PCSK5: variants seen among roughly 807,000 people sequenced by gnomAD.
The protein encoded by PCSK5 is prohormone convertase 5.
A neutral mutation model predicts 233.2 loss-of-function variants in PCSK5; 129 were observed. That is an observed-to-expected ratio of 0.55 (90% CI 0.48 to 0.64). The LOEUF is 0.64. PCSK5 is among the 30% of genes least tolerant of loss of function. The pLI, the probability that PCSK5 is intolerant of heterozygous loss-of-function variation, is 0.00. For missense variants in PCSK5, 2,076 were observed against 2,430.1 expected, an observed-to-expected ratio of 0.85 and a Z score of 3.06; for synonymous variants, 825 against 879.2, an observed-to-expected ratio of 0.94 and a Z score of 1.09.
intron 1 of PCSK5, among the ~76,000 whole-genome samples, chr9:75,896,669 T>G (rs1011822300): frequency 1.7e-4 from 26 of 152,274 alleles, no homozygotes; most frequent in African/African-American, 5.1e-4. Flanking sequence ...CTGGTAAAAA[T>G]AAATGCTTAT....
intron 2 of PCSK5, among the ~76,000 whole-genome samples, chr9:75,946,737 C>T (rs1261701809): frequency 6.6e-6 from 1 of 152,064 alleles, no homozygotes; most frequent in Non-Finnish European, 1.5e-5. Flanking sequence ...TACAGGTGCC[C>T]ACCACCATGC....
chr9:76,037,930 G>C (rs1401893620), intron 5 of PCSK5, among the ~76,000 whole-genome samples: 3 of 152,162 alleles, frequency 2.0e-5, no homozygotes, highest in Non-Finnish European at 4.4e-5. Flanking sequence ...TTAGAAAAGA[G>C]TGACCTTTGT....
intron 5 of PCSK5, among the ~76,000 whole-genome samples, chr9:76,045,202 G>A (rs1020529546): frequency 1.2e-4 from 18 of 152,148 alleles, no homozygotes; most frequent in Non-Finnish European, 2.4e-4. Flanking sequence ...AGTAATTATC[G>A]TGATTATGAA....
At chr9:76,025,298 G>A (rs977333090) in intron 4 of PCSK5, among the ~76,000 whole-genome samples, 2 of 152,044 alleles carry the variant, frequency 1.3e-5, no homozygotes, top group Non-Finnish European at 2.9e-5. Context: ...TGTAATTCTA[G>A]TGTTTTGGGA....
At chr9:76,256,898 G>A (rs1827001082) in intron 24 of PCSK5, among the ~76,000 whole-genome samples, 2 of 152,120 alleles carry the variant, frequency 1.3e-5, no homozygotes. Context: ...GTTTTATAAA[G>A]GAAAGCATCA....
At chr9:76,040,977 G>C (rs1330128375) in intron 5 of PCSK5, among the ~76,000 whole-genome samples, 1 of 152,134 alleles carries the variant, frequency 6.6e-6, no homozygotes, top group Non-Finnish European at 1.5e-5. Flanking sequence ...CACTAGGCAG[G>C]ATGTGATTTG....
intron 1 of PCSK5, among the ~76,000 whole-genome samples, chr9:75,891,830 A>G (rs149690937): frequency 1.7e-3 from 263 of 151,886 alleles, no homozygotes; most frequent in African/African-American, 6.2e-3. Flanking sequence ...TCCTGCTCGG[A>G]CCTGAATTTA....
chr9:76,050,464 A>G (rs1829583455), intron 5 of PCSK5, among the ~76,000 whole-genome samples: 3 of 152,180 alleles, frequency 2.0e-5, no homozygotes, highest in Admixed American at 2.0e-4. Flanking sequence ...TACACTCAGT[A>G]TACACTTCAT....
chr9:76,241,240 G>A (rs1461525181), intron 24 of PCSK5, among the ~76,000 whole-genome samples: 1 of 152,098 alleles, frequency 6.6e-6, no homozygotes, highest in Non-Finnish European at 1.5e-5. Flanking sequence ...TCAGGAGTTC[G>A]AGACCAGCCT....
chr9:75,897,291 GA>G (rs2131188478), intron 1 of PCSK5, among the ~76,000 whole-genome samples: 1 of 152,094 alleles, frequency 6.6e-6, no homozygotes, highest in East Asian at 1.9e-4. Context: ...GGGCTGAAAG[GA>G]AGAGGAATAA....
At chr9:76,137,936 TG>T (rs1823048011) in intron 10 of PCSK5, among the ~76,000 whole-genome samples, 1 of 152,142 alleles carries the variant, frequency 6.6e-6, no homozygotes, top group Non-Finnish European at 1.5e-5. Context: ...TGTTTTGTTT[TG>T]TTTTCTATTC....
intron 20 of PCSK5, among the ~76,000 whole-genome samples, chr9:76,206,352 T>C (rs1825114770): frequency 6.6e-6 from 1 of 152,188 alleles, no homozygotes. Flanking sequence ...TTTCCTCATC[T>C]ATAAAAAGAA....
intron 5 of PCSK5, among the ~76,000 whole-genome samples, chr9:76,050,088 CTTAGCAGGTAG>C (rs1305502061): frequency 6.6e-6 from 1 of 152,060 alleles, no homozygotes; most frequent in Admixed American, 6.5e-5. Flanking sequence ...TAATCACATT[CTTAGCAGGTAG>C]TTGGTACTTG....
At chr9:76,222,337 A>T (rs1450763765) in intron 20 of PCSK5, among the ~76,000 whole-genome samples, 1 of 151,574 alleles carries the variant, frequency 6.6e-6, no homozygotes, top group Non-Finnish European at 1.5e-5. Flanking sequence ...TTTTTAAAAA[A>T]ATATTGTAAA....
intron 35 of PCSK5, 102 bp downstream of exon 35, chr9:76,338,549 T>C (rs1829744612): frequency 1.3e-6 from 1 of 767,440 alleles, no homozygotes. Context: ...GAGGTTCCTC[T>C]TGCTTCCCTA....
intron 2 of PCSK5, among the ~76,000 whole-genome samples, chr9:75,945,529 C>T (rs918410344): frequency 1.3e-5 from 2 of 152,206 alleles, no homozygotes; most frequent in African/African-American, 4.8e-5. Flanking sequence ...TGTTTCACAG[C>T]AATTGCCTCT....
chr9:76,318,531 T>A (rs1156732204), intron 30 of PCSK5, among the ~76,000 whole-genome samples: 1 of 152,010 alleles, frequency 6.6e-6, no homozygotes, highest in Non-Finnish European at 1.5e-5. Context: ...CCAAATATAT[T>A]TGAGAGGATT....
In PCSK5 at chr9:76,358,615, C is replaced by T. The variant is rs777453670; in HGVS notation, c.5357C>T (p.Ala1786Val). The change falls in exon 38 of 38, where the codon GCA becomes GTA. Residue 1786 changes from alanine to valine, a missense_variant. This residue lies in a region of PCSK5 where 1,510 missense variants were observed against 1,538.1 expected (regional missense o/e 0.98). Coordinates refer to ENST00000674117, the MANE Select transcript of PCSK5 (RefSeq NM_001372043.1). ...ATGATGCTGGTGCTTCTGCTCGGGG[C>T]AGCTGTGGTAGTGTGGAAGAAATCT... ...SSMMLVLLLGAAVVVWKKSRG... is the reference protein window; with the variant it reads ...SSMMLVLLLGVAVVVWKKSRG... 17 of 1,612,640 alleles carry T rather than the reference C, an allele frequency of 1.1e-5. No homozygotes were observed. In the Admixed American group the frequency reaches 1.5e-4, roughly 14 times the overall value.
At position 75,908,984 on chromosome 9, in the gene PCSK5, TATCTATCC is replaced by T. The variant is rs1564075158; in HGVS notation, c.192+17612_192+17619del. On this transcript the variant is annotated intron_variant, in intron 1 of 37. Coordinates refer to ENST00000674117, the MANE Select transcript of PCSK5 (RefSeq NM_001372043.1). ...CTATCTATCTATCTATCTATCTATC[TATCTATCC>T]GATTTTCTCTCCTCTGCTAGATAAT... Among the ~76,000 whole-genome samples the T allele has an allele frequency of 8.4e-3, 1,188 of 141,806 alleles. 14 individuals carry two copies. Among genetic ancestry groups the T allele is most frequent in the South Asian group, 0.021 (94 of 4,550 alleles). 93.0% of individuals were successfully genotyped at this position (141,806 alleles called of 152,430 possible).
Sources: allele counts gnomAD v4.1 joint callset (sites outside exome capture counted in the v4.1 genomes callset), GRCh38; gene constraint gnomAD v4.1.1; regional missense constraint gnomAD v4.1.1; transcripts MANE v1.5; gene names NCBI Gene and HGNC (gene_info 2026-07-23, HGNC 2026-07-21).